CABIN1: variants seen among roughly 807,000 people sequenced by gnomAD.
The protein encoded by CABIN1 is calcineurin-binding protein cabin-1.
In CABIN1, 133 loss-of-function variants were observed where a neutral mutation model predicts 227.7. The ratio of observed to expected loss-of-function variants is 0.58; its 90% CI spans 0.51 to 0.67. The LOEUF (loss-of-function observed/expected upper bound fraction) is 0.67, where lower values mean the gene tolerates loss of function less well. Among genes scored for constraint, CABIN1 ranks in the 30% least tolerant of loss-of-function variants. The pLI is 0.00. For synonymous variants in CABIN1, 1,086 were observed against 1,155.1 expected (o/e 0.94, Z 1.21); for missense variants, 2,408 against 2,852.5 (o/e 0.84, Z 3.55).
At chr22:24,073,357 C>T (rs1397028859) in intron 18 of CABIN1, among the ~76,000 whole-genome samples, 1 of 151,902 alleles carries the variant, frequency 6.6e-6, no homozygotes, top group African/African-American at 2.4e-5. Flanking sequence ...TGCTTGTATT[C>T]AACTAGCTTA....
rs373386220 is a variant in CABIN1, at chr22:24,177,700, G to C, written c.6402G>C (p.Lys2134Asn). ...AKSRPLPNMP[K>N]LVIPSAATKF... ...CCCGCCCCCTGCCCAACATGCCAAA[G>C]CTGGTCATCCCCTCCGCCGCCACCA... Residue 2134 changes from lysine (K) to asparagine (N), a missense_variant, in exon 36 of 37, where the codon AAG (lysine) becomes AAC (asparagine). Physicochemically the swap from Lys to Asn is moderately conservative, Grantham distance 94. Transcript: ENST00000263119. This position sits in a 1 kb window ranked among gnomAD's most constrained non-coding sequence, Gnocchi z 4.4. 5 of 1,613,626 alleles carry C rather than the reference G, an allele frequency of 3.1e-6. No homozygotes were observed. In the African/African-American group the frequency reaches 5.3e-5, roughly 17 times the overall value.
intron 27 of CABIN1, among the ~76,000 whole-genome samples, chr22:24,118,120 T>C (rs1020650075): frequency 6.6e-6 from 1 of 152,074 alleles, no homozygotes; most frequent in South Asian, 2.1e-4. Context: ...GGAGATGCTC[T>C]TATGGCTTTT....
At chr22:24,037,273 A>G (rs1178079174) in intron 3 of CABIN1, among the ~76,000 whole-genome samples, 2 of 151,502 alleles carry the variant, frequency 1.3e-5, no homozygotes, top group South Asian at 4.2e-4. Context: ...AAAAAAAAAA[A>G]AAAAAGAAAA....
Position 24,137,077 on chromosome 22 carries a change from T to C in CABIN1, c.4746+2662T>C, listed in dbSNP as rs1602290565. 2.0e-5 allele frequency among the ~76,000 whole-genome samples: 3 copies of C among 152,200 alleles called. No individual in the cohort carries two copies. The East Asian group carries it at 5.8e-4, about 29-fold the overall frequency. On this transcript the variant is annotated intron_variant, in intron 29 of 36. Transcript: ENST00000263119. ...TGAAGAGTAACTGTAGGAATCAAGT[T>C]AGATACCGGGGTAATATTTCTAACA...
intron 1 of CABIN1, 169 bp downstream of exon 1, chr22:24,011,536 T>C (rs2034809750): frequency 6.6e-6 from 1 of 152,270 alleles, no homozygotes; most frequent in African/African-American, 2.4e-5. Flanking sequence ...GAGGCCGGGC[T>C]TCCTGGCTGC....
chr22:24,059,743 TGAGGGTTGGAG>T (rs2039053281), intron 11 of CABIN1, among the ~76,000 whole-genome samples, 170 bp from the exon 12 acceptor site: 1 of 152,196 alleles, frequency 6.6e-6, no homozygotes, highest in Non-Finnish European at 1.5e-5. Flanking sequence ...TCATAGCTGC[TGAGGGTTGGAG>T]CCAGGCATTG....
chr22:24,048,943 C>A (rs2038109751), intron 6 of CABIN1, 148 bp from the exon 7 acceptor site: 1 of 917,332 alleles, frequency 1.1e-6, no homozygotes, highest in Non-Finnish European at 1.7e-6. Context: ...TTATTACTAA[C>A]CTGACTGAAT....
chr22:24,036,131 G>T lies in CABIN1; in HGVS notation c.46G>T (p.Asp16Tyr). ...ALNASSTIED[D>Y]HEGSFKSHKT... ...AAATGCCAGCTCCACCATTGAGGAT[G>T]ATCATGAAGGAAGCTTTAAAAGTCA... The change falls in exon 3 of 37, where the codon GAT (aspartate) becomes TAT (tyrosine). Residue 16 changes from aspartate to tyrosine, a missense_variant. This residue lies in a region of CABIN1 where 1,045 missense variants were observed against 1,168.4 expected (regional missense o/e 0.89). Coordinates refer to ENST00000263119, the MANE Select transcript of CABIN1 (RefSeq NM_012295.4). 6.2e-7 allele frequency: 1 copy of T among 1,613,856 alleles called. No individual in the cohort carries two copies. The highest frequency in any genetic ancestry group is 1.1e-5 in the South Asian group (1 of 91,054).
At position 24,060,133 on chromosome 22, in the gene CABIN1, C is replaced by T; in HGVS notation, c.1609C>T (p.His537Tyr). Residue 537 changes from histidine (H) to tyrosine (Y), a missense_variant, in exon 12 of 37, where the codon CAC becomes TAC. Physicochemically the swap from His to Tyr is moderately conservative, Grantham distance 83. This residue lies in a region of CABIN1 where 1,045 missense variants were observed against 1,168.4 expected (regional missense o/e 0.89). Coordinates refer to ENST00000263119, the MANE Select transcript of CABIN1 (RefSeq NM_012295.4). ...NPLLRDCSNK[H>Y]IKDMMLMSLS... ...GCTGCTGAGGGACTGCAGCAACAAG[C>T]ACATCAAGGTTAGGGGGAGCCTCTC... 2.5e-6 allele frequency: 4 copies of T among 1,613,436 alleles called. No individual in the cohort carries two copies. The highest frequency in any genetic ancestry group is 3.4e-6 in the Non-Finnish European group (4 of 1,179,948).
At chr22:24,156,287 C>A (rs575333634) in intron 29 of CABIN1, among the ~76,000 whole-genome samples, 1 of 152,240 alleles carries the variant, frequency 6.6e-6, no homozygotes, top group African/African-American at 2.4e-5. Flanking sequence ...TCCCCGGCGC[C>A]CCCGCGGAGG....
chr22:24,148,789 AC>A (rs1001789133), intron 29 of CABIN1, among the ~76,000 whole-genome samples: 1 of 152,048 alleles, frequency 6.6e-6, no homozygotes, highest in Non-Finnish European at 1.5e-5. Flanking sequence ...CTCAGGCTGC[AC>A]CCCCCTGCAG....
intron 12 of CABIN1, 79 bp from the exon 13 acceptor site, chr22:24,061,868 C>T (rs1045609158): frequency 3.3e-5 from 32 of 984,572 alleles, no homozygotes; most frequent in Non-Finnish European, 5.1e-5. Context: ...AGTTTTGTTT[C>T]CTTCCACAGC....
chr22:24,024,753 C>G (rs1467970390), intron 1 of CABIN1, among the ~76,000 whole-genome samples: 1 of 152,002 alleles, frequency 6.6e-6, no homozygotes, highest in African/African-American at 2.4e-5. Context: ...AATTGCCTTT[C>G]CTTCACATTC....
intron 29 of CABIN1, among the ~76,000 whole-genome samples, chr22:24,147,341 C>CTCCCTGCCTCCCTCCCTCCCTGCT (rs1448005759): frequency 1.5e-5 from 2 of 131,814 alleles, no homozygotes; most frequent in Non-Finnish European, 3.3e-5. Context: ...TCCTCCCTCC[C>CTCCCTGCCTCCCTCCCTCCCTGCT]TCCCTGCCTC....
rs778254368 is a variant in CABIN1 at position 24,167,147 on chromosome 22, C to T, written c.5516C>T (p.Pro1839Leu). The T allele has an allele frequency of 1.4e-5, 23 of 1,600,190 alleles. No individual in the cohort carries two copies. Among genetic ancestry groups the T allele is most frequent in the East Asian group, 2.3e-5 (1 of 44,390 alleles). ...GTRAGGHPEE[P>L]LSRLSRKRKL... Reference sequence around the variant, plus strand: ...AGGGCAGGGGGCCACCCGGAGGAGCCGCTCTCCCGGCTCAGCCGCAAGAGG... The same window carrying T: ...AGGGCAGGGGGCCACCCGGAGGAGCTGCTCTCCCGGCTCAGCCGCAAGAGG... The change falls in exon 32 of 37, where the codon CCG becomes CTG. Residue 1839 changes from proline to leucine, a missense_variant. Coordinates refer to ENST00000263119, the MANE Select transcript of CABIN1 (RefSeq NM_012295.4).
chr22:24,016,056 T>A (rs533742681), intron 1 of CABIN1, among the ~76,000 whole-genome samples: 1 of 152,342 alleles, frequency 6.6e-6, no homozygotes, highest in African/African-American at 2.4e-5. Context: ...TTTTAGTACA[T>A]ACACAGTTAT....
intron 1 of CABIN1, among the ~76,000 whole-genome samples, chr22:24,022,566 T>G (rs2035800559): frequency 6.6e-6 from 1 of 152,190 alleles, no homozygotes; most frequent in Non-Finnish European, 1.5e-5. Flanking sequence ...CTGTAAACAT[T>G]TTTATACAAG....
rs6004070 is a variant in CABIN1 at position 24,148,664 on chromosome 22, A to G, written c.4746+14249A>G. Among the ~76,000 whole-genome samples the G allele has an allele frequency of 5.0e-3, 764 of 152,292 alleles. 12 individuals are homozygous for G. The highest frequency in any genetic ancestry group is 0.017 in the African/African-American group (723 of 41,572). On this transcript the variant is annotated intron_variant, in intron 29 of 36. Coordinates refer to ENST00000263119, the MANE Select transcript of CABIN1 (RefSeq NM_012295.4). ...TTTCCAAAGGTGGGCCAGTTGGATGATATCAGTGGTTTTCCAGTCCTTTTT... is the reference window on the plus strand; with the variant it reads ...TTTCCAAAGGTGGGCCAGTTGGATGGTATCAGTGGTTTTCCAGTCCTTTTT...
chr22:24,032,817 C>T (rs1412402676), intron 1 of CABIN1, among the ~76,000 whole-genome samples: 4 of 152,178 alleles, frequency 2.6e-5, no homozygotes, highest in Admixed American at 6.5e-5. Context: ...AATTCCATGC[C>T]TGTAATCCCA....
Sources: gnomAD v4.1 joint callset for allele counts (sites outside exome capture counted in the v4.1 genomes callset) on GRCh38, gnomAD v4.1.1 for gene constraint, gnomAD v4.1.1 regional missense constraint, Gnocchi (gnomAD v3.1) non-coding constraint, MANE v1.5 for transcripts, NCBI Gene and HGNC (gene_info 2026-07-23, HGNC 2026-07-21) for gene names.